KANSL1: variants seen among roughly 807,000 people sequenced by gnomAD.
The protein encoded by KANSL1 is MLL1/MLL complex subunit KANSL1.
Under a neutral mutation model 103.6 loss-of-function variants are expected in KANSL1, and 22 were observed. That is an observed-to-expected ratio of 0.21 (90% CI 0.15 to 0.30). The LOEUF (loss-of-function observed/expected upper bound fraction) is 0.30, where lower values mean the gene tolerates loss of function less well. Among genes scored for constraint, KANSL1 ranks in the 10% least tolerant of loss-of-function variants. The pLI is 1.00. For missense variants in KANSL1, 1,337 were observed against 1,399.8 expected, an observed-to-expected ratio of 0.96 and a Z score of 0.72; for synonymous variants, 600 against 527.6, an observed-to-expected ratio of 1.14 and a Z score of -1.88.
chr17:46,135,831 T>G (rs2044113193), intron 2 of KANSL1, among the ~76,000 whole-genome samples: 1 of 151,446 alleles, frequency 6.6e-6, no homozygotes, highest in South Asian at 2.1e-4. Context: ...GCACCTGGCC[T>G]ATATTGCTAT....
At chr17:46,129,535 C>T (rs1037782860) in intron 2 of KANSL1, among the ~76,000 whole-genome samples, 1 of 152,256 alleles carries the variant, frequency 6.6e-6, no homozygotes, top group Non-Finnish European at 1.5e-5. Context: ...AGACCTGCCT[C>T]ACCAAACACA....
At chr17:46,155,522 T>G (rs568303231) in intron 2 of KANSL1, among the ~76,000 whole-genome samples, 1 of 152,268 alleles carries the variant, frequency 6.6e-6, no homozygotes, top group South Asian at 2.1e-4. Flanking sequence ...CTGGAAAAAT[T>G]TTGTTGTCTC....
At chr17:46,053,012 G>A (rs111268499) in intron 6 of KANSL1, among the ~76,000 whole-genome samples, 90 of 118,586 alleles carry the variant, frequency 7.6e-4, no homozygotes, top group African/African-American at 2.7e-3. Flanking sequence ...AAAAGGCTGC[G>A]CATGGTGGCT....
intron 2 of KANSL1, among the ~76,000 whole-genome samples, chr17:46,120,897 T>G (rs1226880283): frequency 6.6e-6 from 1 of 152,196 alleles, no homozygotes; most frequent in Non-Finnish European, 1.5e-5. Context: ...CATCTCATTA[T>G]CTTTATCACA....
chr17:46,157,573 C>T (rs923688630), intron 2 of KANSL1, among the ~76,000 whole-genome samples: 1 of 152,228 alleles, frequency 6.6e-6, no homozygotes, highest in Non-Finnish European at 1.5e-5. Flanking sequence ...AACTCTTGGA[C>T]CTGAGACCTG....
intron 3 of KANSL1, among the ~76,000 whole-genome samples, chr17:46,084,363 C>T (rs2079085628): frequency 6.6e-6 from 1 of 151,608 alleles, no homozygotes; most frequent in Non-Finnish European, 1.5e-5. Flanking sequence ...GCCTGGGCGA[C>T]AGACCAAGGC....
In KANSL1 at chr17:46,030,887, T is replaced by G. The variant is rs1009271335; in HGVS notation, c.*589A>C. On this transcript the variant is annotated 3_prime_UTR_variant, in exon 15 of 15. Transcript: ENST00000432791. ...GCAGATGAAACAAAAAATCAGTCTC[T>G]TAAGTTCTGGGTGAGAAAGGAAAGG... The G allele has an allele frequency of 6.5e-6, 1 of 152,794 alleles. No individual in the cohort carries two copies. The highest frequency in any genetic ancestry group is 6.5e-5 in the Admixed American group (1 of 15,350). The allele number at this position is 152,794 out of a possible 1,614,324, so 9.5% of individuals were successfully genotyped here.
intron 1 of KANSL1, among the ~76,000 whole-genome samples, chr17:46,184,151 G>A (rs2046915351): frequency 6.6e-6 from 1 of 152,218 alleles, no homozygotes; most frequent in South Asian, 2.1e-4. Flanking sequence ...TAAATTAGGT[G>A]TGAAGGTAGC....
intron 7 of KANSL1, chr17:46,043,914 T>C (rs1259034833): frequency 1.3e-5 from 2 of 151,958 alleles, no homozygotes; most frequent in Non-Finnish European, 2.9e-5. Context: ...TAGACTTTGT[T>C]AGAAGTTTGC....
Position 46,046,313 on chromosome 17 carries a change from C to T in KANSL1, c.2020+4220G>A, listed in dbSNP as rs1319575668. On this transcript the variant is annotated intron_variant, in intron 7 of 14. Transcript: ENST00000432791. ...CTTTAGGAAGCCAAGATGGGTAGATCGCTTGGGCCCAAGAGTTTGAGACCA... is the reference window on the plus strand; with the variant it reads ...CTTTAGGAAGCCAAGATGGGTAGATTGCTTGGGCCCAAGAGTTTGAGACCA... 3.3e-5 allele frequency among the ~76,000 whole-genome samples: 5 copies of T among 151,706 alleles called. 1 individual carries two copies. The South Asian group carries it at 6.3e-4, about 19-fold the overall frequency.
chr17:46,038,797 T>C, intron 9 of KANSL1, 111 bp from the exon 10 acceptor site: 3 of 1,396,810 alleles, frequency 2.1e-6, no homozygotes, highest in East Asian at 4.6e-5. Flanking sequence ...ATGTTTTCTA[T>C]GCCTAGAGGA....
intron 2 of KANSL1, among the ~76,000 whole-genome samples, chr17:46,149,239 G>A (rs901375057): frequency 3.3e-5 from 5 of 151,718 alleles, no homozygotes. Context: ...CTGACCTTGT[G>A]ATCCGCCCGT....
intron 2 of KANSL1, among the ~76,000 whole-genome samples, chr17:46,170,108 C>T (rs1017777163): frequency 6.6e-6 from 1 of 152,188 alleles, no homozygotes; most frequent in African/African-American, 2.4e-5. Context: ...CACTACTGCA[C>T]TCCTGCACTC....
intron 2 of KANSL1, among the ~76,000 whole-genome samples, chr17:46,155,092 T>C (rs1180439764): frequency 1.3e-5 from 2 of 151,990 alleles, no homozygotes; most frequent in Non-Finnish European, 2.9e-5. Context: ...AAGTTGATGG[T>C]AGCATCCTTT....
intron 2 of KANSL1, among the ~76,000 whole-genome samples, chr17:46,139,218 A>G (rs912324380): frequency 6.6e-6 from 1 of 152,078 alleles, no homozygotes; most frequent in African/African-American, 2.4e-5. Flanking sequence ...AAGTGAACTC[A>G]TAGTATTGAC....
At chr17:46,202,775 T>C (rs1291137769) in intron 1 of KANSL1, among the ~76,000 whole-genome samples, 1 of 152,246 alleles carries the variant, frequency 6.6e-6, no homozygotes, top group Non-Finnish European at 1.5e-5. Context: ...TGACAAAAAT[T>C]ATAGAATATA....
Position 46,171,726 on chromosome 17 carries a change from T to G in KANSL1, c.418A>C (p.Thr140Pro), listed in dbSNP as rs2046302196. 6.3e-7 allele frequency: 1 copy of G among 1,574,858 alleles called. No homozygotes were observed. Among genetic ancestry groups the G allele is most frequent in the African/African-American group, 1.4e-5 (1 of 72,884 alleles). Residue 140 changes from threonine to proline, a missense_variant, in exon 2 of 15, where the codon ACC (threonine) becomes CCC (proline). By Grantham distance (38) the Thr-to-Pro change is conservative. This residue lies in a region of KANSL1 where 557 missense variants were observed against 476.4 expected (regional missense o/e 1.17). Coordinates refer to ENST00000432791, the MANE Select transcript of KANSL1 (RefSeq NM_015443.4). The stretch of plus-strand genomic sequence containing the variant: ...GCTGTCTGACCACTCGTATTCATGG[T>G]TCTAAGATTTTCTAAGGAAAACTCC... ...VLEFSLENLR[T>P]MNTSGQTALP...
chr17:46,147,530 T>C (rs576024605), intron 2 of KANSL1, among the ~76,000 whole-genome samples: 17 of 129,976 alleles, frequency 1.3e-4, no homozygotes, highest in African/African-American at 4.6e-4. Context: ...GCAGAGATCA[T>C]ACCACTAACC....
chr17:46,120,557 C>T (rs2043234637), intron 2 of KANSL1, among the ~76,000 whole-genome samples: 1 of 151,940 alleles, frequency 6.6e-6, no homozygotes, highest in Non-Finnish European at 1.5e-5. Context: ...AAAGACAGAC[C>T]CCCAGAAATG....
Sources: allele counts gnomAD v4.1 joint callset (sites outside exome capture counted in the v4.1 genomes callset), GRCh38; gene constraint gnomAD v4.1.1; regional missense constraint gnomAD v4.1.1; transcripts MANE v1.5; gene names NCBI Gene and HGNC (gene_info 2026-07-23, HGNC 2026-07-21).